TNFRSF19: variants seen among roughly 807,000 people sequenced by gnomAD.
The protein encoded by TNFRSF19 is TNF receptor superfamily member 19, also known as tumor necrosis factor receptor superfamily member 19.
A neutral mutation model predicts 46.4 loss-of-function variants in TNFRSF19; 27 were observed. The ratio of observed to expected loss-of-function variants is 0.58; its 90% CI spans 0.43 to 0.80. TNFRSF19 has a LOEUF of 0.80. Among genes scored for constraint, TNFRSF19 ranks in the 30% least tolerant of loss-of-function variants. The pLI, the probability that TNFRSF19 is intolerant of heterozygous loss-of-function variation, is 0.00. For missense variants in TNFRSF19, 511 were observed against 530.8 expected, an observed-to-expected ratio of 0.96 and a Z score of 0.37; for synonymous variants, 204 against 205.0, an observed-to-expected ratio of 1.00 and a Z score of 0.04.
chr13:23,596,781 C>G (rs1422911066), intron 3 of TNFRSF19, among the ~76,000 whole-genome samples: 2 of 152,204 alleles, frequency 1.3e-5, no homozygotes, highest in East Asian at 1.9e-4. Flanking sequence ...CTCTCCACCC[C>G]TAATCAACAG....
chr13:23,594,226 G>A lies in TNFRSF19; in HGVS notation c.180+771G>A, dbSNP rs1469497873. The stretch of plus-strand genomic sequence containing the variant: ...GCAGGAGTTTTTTTTTCATACCCTA[G>A]TGGCATCTGGAACACCAGCGAGACA... On this transcript the variant is annotated intron_variant, in intron 3 of 9. Coordinates refer to ENST00000248484, the MANE Select transcript of TNFRSF19 (RefSeq NM_148957.4). The A allele has an allele frequency of 1.6e-5, 7 of 451,532 alleles. No individual in the cohort carries two copies. The Admixed American group carries it at 1.7e-4, about 11-fold the overall frequency. The allele number at this position is 451,532 out of a possible 1,614,324, so 28.0% of individuals were successfully genotyped here.
chr13:23,663,585 G>C (rs1178675367), intron 7 of TNFRSF19, among the ~76,000 whole-genome samples: 1 of 152,134 alleles, frequency 6.6e-6, no homozygotes, highest in Non-Finnish European at 1.5e-5. Flanking sequence ...AGTGGGAATG[G>C]TACCAGCTCT....
intron 7 of TNFRSF19, among the ~76,000 whole-genome samples, chr13:23,661,306 T>C (rs919847590): frequency 6.6e-6 from 1 of 152,244 alleles, no homozygotes; most frequent in Admixed American, 6.5e-5. Flanking sequence ...TGGTTTTCTG[T>C]TCCCGCCTTA....
rs185953608 is a variant in TNFRSF19 at position 23,659,162 on chromosome 13, C to T, written c.558C>T (p.Leu186=). 8.1e-6 allele frequency: 13 copies of T among 1,614,190 alleles called. No individual in the cohort carries two copies. In the East Asian group the frequency reaches 2.2e-4, roughly 28 times the overall value. ...SALATVLLAL[L]ILCVIYCKRQ... is the part of the protein sequence containing the mutation. ...TGGCCACCGTCCTGCTGGCCCTGCT[C>T]ATCCTCTGTGTCATCTATTGTAAGA... The change falls in exon 6 of 10, where the codon CTC becomes CTT. Residue 186 remains leucine, a synonymous_variant. Coordinates refer to ENST00000248484, the MANE Select transcript of TNFRSF19 (RefSeq NM_148957.4). This position sits in a 1 kb window ranked among gnomAD's most constrained non-coding sequence, Gnocchi z 4.9.
At chr13:23,584,043 A>AT (rs1055581035) in intron 1 of TNFRSF19, among the ~76,000 whole-genome samples, 18 of 152,066 alleles carry the variant, frequency 1.2e-4, no homozygotes, top group Non-Finnish European at 2.1e-4. Flanking sequence ...GCACTAGGTT[A>AT]TTTTTTGTTG....
chr13:23,666,277 C>G (rs545807370), intron 7 of TNFRSF19, among the ~76,000 whole-genome samples: 5 of 152,212 alleles, frequency 3.3e-5, no homozygotes, highest in Non-Finnish European at 7.3e-5. Context: ...AACTTTCACC[C>G]TGTAGCTTAG....
intron 3 of TNFRSF19, among the ~76,000 whole-genome samples, chr13:23,614,920 G>A (rs565085085): frequency 1.3e-5 from 2 of 152,052 alleles, no homozygotes; most frequent in Admixed American, 1.3e-4. Flanking sequence ...TATGAAATGG[G>A]AAAAATGGCA....
rs146527495 is a variant in TNFRSF19, at chr13:23,583,766, T to G, written c.-34-6384T>G. ...CCAGACTTCCTTCTAAAATAAAAAT[T>G]TAAACAGCTGTGTTTGAGAGATGGG... On this transcript the variant is annotated intron_variant, in intron 1 of 9. Transcript: ENST00000248484. 4.5e-3 allele frequency among the ~76,000 whole-genome samples: 687 copies of G among 152,334 alleles called. 6 individuals are homozygous for G. Among genetic ancestry groups the G allele is most frequent in the Non-Finnish European group, 7.5e-3 (509 of 68,044 alleles).
intron 5 of TNFRSF19, among the ~76,000 whole-genome samples, chr13:23,641,884 C>T (rs1173602536): frequency 2.0e-5 from 3 of 152,198 alleles, no homozygotes; most frequent in Non-Finnish European, 4.4e-5. Flanking sequence ...AACAGCATCG[C>T]TTACCCTAGC....
At chr13:23,609,496 T>A (rs1196480624) in intron 3 of TNFRSF19, among the ~76,000 whole-genome samples, 1 of 152,160 alleles carries the variant, frequency 6.6e-6, no homozygotes, top group Non-Finnish European at 1.5e-5. Context: ...TCCTCCTCAC[T>A]CGTATTAATG....
chr13:23,613,675 G>C (rs1396831049), intron 3 of TNFRSF19, among the ~76,000 whole-genome samples: 1 of 152,158 alleles, frequency 6.6e-6, no homozygotes, highest in Non-Finnish European at 1.5e-5. Flanking sequence ...ACCCTAGCTT[G>C]GGAACAAGGT....
At chr13:23,626,835 C>A in intron 5 of TNFRSF19, 43 bp downstream of exon 5, 3 of 1,588,086 alleles carry the variant, frequency 1.9e-6, no homozygotes, top group Non-Finnish European at 2.6e-6. Flanking sequence ...GACGCCTGGC[C>A]TTTTGAAAAA....
At chr13:23,624,517 T>C (rs1474568658) in intron 4 of TNFRSF19, among the ~76,000 whole-genome samples, 3 of 152,182 alleles carry the variant, frequency 2.0e-5, no homozygotes, top group Non-Finnish European at 4.4e-5. Flanking sequence ...CAAATTTTGC[T>C]TCTACCATAA....
Position 23,669,057 on chromosome 13 carries a change from G to C in TNFRSF19, c.1205G>C (p.Ser402Thr). The C allele has an allele frequency of 6.2e-7, 1 of 1,614,180 alleles. No homozygotes were observed. Among genetic ancestry groups the C allele is most frequent in the South Asian group, 1.1e-5 (1 of 91,076 alleles). The change falls in exon 9 of 10, where the codon AGT (serine) becomes ACT (threonine). Residue 402 changes from serine (S) to threonine (T), a missense_variant. Physicochemically the swap from Ser to Thr is moderately conservative, Grantham distance 58. This residue lies in a region of TNFRSF19 where 376 missense variants were observed against 372.7 expected (regional missense o/e 1.01). Transcript: ENST00000248484. The part of the protein sequence containing the change: ...LTMRSQLDQE[S>T]GAVIHPATQT... Reference sequence around the variant, plus strand: ...ATGAGAAGCCAGCTAGATCAGGAGAGTGGTGCTGTCATCCACCCAGCCACT... The same window carrying C: ...ATGAGAAGCCAGCTAGATCAGGAGACTGGTGCTGTCATCCACCCAGCCACT...
At chr13:23,578,183 G>C (rs1566157535) in intron 1 of TNFRSF19, among the ~76,000 whole-genome samples, 1 of 152,188 alleles carries the variant, frequency 6.6e-6, no homozygotes, top group Non-Finnish European at 1.5e-5. Context: ...ATATGGTAGT[G>C]ATGTGCACTG....
At chr13:23,639,502 G>C (rs940240588) in intron 5 of TNFRSF19, among the ~76,000 whole-genome samples, 15 of 152,202 alleles carry the variant, frequency 9.9e-5, no homozygotes, top group African/African-American at 3.6e-4. Context: ...CAGGAGCCCT[G>C]CTGTGCACAG....
intron 5 of TNFRSF19, among the ~76,000 whole-genome samples, chr13:23,639,765 G>A (rs571213552): frequency 2.6e-5 from 4 of 152,332 alleles, no homozygotes; most frequent in African/African-American, 9.6e-5. Flanking sequence ...AGGCAGTGGT[G>A]GGAGGGAGGG....
chr13:23,597,377 GA>G (rs1879807796), intron 3 of TNFRSF19, among the ~76,000 whole-genome samples: 1 of 151,390 alleles, frequency 6.6e-6, no homozygotes, highest in Non-Finnish European at 1.5e-5. Flanking sequence ...AAAGAGAAAA[GA>G]ATCAAATGGA....
intron 5 of TNFRSF19, among the ~76,000 whole-genome samples, chr13:23,643,968 G>C (rs1883172258): frequency 6.6e-6 from 1 of 152,192 alleles, no homozygotes; most frequent in Non-Finnish European, 1.5e-5. Context: ...GTACCTCTTA[G>C]GAGTGAGTTC....
Sources: gnomAD v4.1 joint callset for allele counts (sites outside exome capture counted in the v4.1 genomes callset) on GRCh38, gnomAD v4.1.1 for gene constraint, gnomAD v4.1.1 regional missense constraint, Gnocchi (gnomAD v3.1) non-coding constraint, MANE v1.5 for transcripts, NCBI Gene and HGNC (gene_info 2026-07-23, HGNC 2026-07-21) for gene names.